Variants in GAB2 observed in about 807,000 individuals in gnomAD.
The protein encoded by GAB2 is GRB2 associated binding protein 2.
A neutral mutation model predicts 65.5 loss-of-function variants in GAB2; 26 were observed. The ratio of observed to expected loss-of-function variants is 0.40; its 90% CI spans 0.29 to 0.55. GAB2 has a LOEUF of 0.55. Among genes scored for constraint, GAB2 ranks in the 20% least tolerant of loss-of-function variants. The pLI is 0.53. For missense variants in GAB2, 884 were observed against 875.8 expected (o/e 1.01, Z -0.12); for synonymous variants, 321 against 329.6 (o/e 0.97, Z 0.28).
chr11:78,391,712 G>A (rs1206256507), intron 1 of GAB2, among the ~76,000 whole-genome samples: 1 of 152,222 alleles, frequency 6.6e-6, no homozygotes, highest in Non-Finnish European at 1.5e-5. Flanking sequence ...TAGCAGTCAA[G>A]TCACTCTGAG....
chr11:78,371,220 A>G (rs1856567903), intron 1 of GAB2, among the ~76,000 whole-genome samples: 1 of 152,230 alleles, frequency 6.6e-6, no homozygotes, highest in Non-Finnish European at 1.5e-5. Context: ...TTTAACTATC[A>G]TGTATTTAAA....
chr11:78,272,408 T>G (rs1866039790), intron 2 of GAB2, among the ~76,000 whole-genome samples: 1 of 152,168 alleles, frequency 6.6e-6, no homozygotes, highest in African/African-American at 2.4e-5. Flanking sequence ...GAGGAACTTG[T>G]TGGAAACTGG....
At chr11:78,330,002 C>T (rs1046907233) in intron 1 of GAB2, among the ~76,000 whole-genome samples, 3 of 152,166 alleles carry the variant, frequency 2.0e-5, no homozygotes, top group Non-Finnish European at 2.9e-5. Flanking sequence ...GGCTATTTCT[C>T]GTTTCTACTG....
rs967302107 is a variant in GAB2 at position 78,226,805 on chromosome 11, A to G, written c.867T>C (p.Asn289=). The G allele has an allele frequency of 3.1e-6, 5 of 1,613,900 alleles. No individual in the cohort carries two copies. The African/African-American group carries it at 5.3e-5, about 17-fold the overall frequency. ...GCGTCTTGAAGGTGTACACATCCTC[A>G]TTATCTGTCTCGGAGCCTGTGAGGC... ...KGSLTGSETD[N]EDVYTFKTPS... is the part of the protein sequence containing the mutation. The change falls in exon 4 of 10, where the codon AAT becomes AAC. Residue 289 remains asparagine, a synonymous_variant. Coordinates refer to ENST00000361507, the MANE Select transcript of GAB2 (RefSeq NM_080491.3).
intron 1 of GAB2, among the ~76,000 whole-genome samples, chr11:78,339,565 G>A (rs1333698470): frequency 6.6e-6 from 1 of 152,244 alleles, no homozygotes; most frequent in Admixed American, 6.5e-5. Context: ...GATGGTGGCA[G>A]TGATCAACTG....
rs117293058 is a variant in GAB2 at position 78,327,173 on chromosome 11, A to G, written c.76-46272T>C. Among the ~76,000 whole-genome samples the G allele has an allele frequency of 5.2e-4, 79 of 152,314 alleles. 2 individuals are homozygous for G. The East Asian group carries it at 0.013, about 25-fold the overall frequency. ...AACTCAATAAATCGGTATCTGGGTC[A>G]ATTTTAATCCTCATGTCATATTATC... On this transcript the variant is annotated intron_variant, in intron 1 of 9. Transcript: ENST00000361507.
At chr11:78,253,276 G>A (rs760492199) in intron 2 of GAB2, among the ~76,000 whole-genome samples, 3 of 152,046 alleles carry the variant, frequency 2.0e-5, no homozygotes, top group Non-Finnish European at 1.5e-5. Context: ...TTACAGGCGT[G>A]AGCCACCATG....
At chr11:78,346,574 T>TGAGAAGAGAAGAGAA (rs199705805) in intron 1 of GAB2, among the ~76,000 whole-genome samples, 1 of 118,654 alleles carries the variant, frequency 8.4e-6, no homozygotes, top group Admixed American at 8.5e-5. Context: ...TCATGCTGCC[T>TGAGAAGAGAAGAGAA]GAGAAGAGAA....
intron 2 of GAB2, among the ~76,000 whole-genome samples, chr11:78,276,075 C>T (rs1866159971): frequency 6.9e-6 from 1 of 145,156 alleles, no homozygotes; most frequent in African/African-American, 2.5e-5. Context: ...GATTGTGCCA[C>T]TGCATTCCAG....
intron 1 of GAB2, among the ~76,000 whole-genome samples, chr11:78,416,958 G>T (rs1857205066): frequency 6.6e-6 from 1 of 152,146 alleles, no homozygotes; most frequent in African/African-American, 2.4e-5. Context: ...CAGACACCCG[G>T]GAGCTGCCCG....
intron 1 of GAB2, among the ~76,000 whole-genome samples, chr11:78,372,896 A>C (rs1031817669): frequency 3.3e-5 from 5 of 152,148 alleles, no homozygotes; most frequent in Admixed American, 3.3e-4. Context: ...TTCTTTATTA[A>C]GAAGATTCAG....
chr11:78,396,722 C>A (rs772294684), intron 1 of GAB2, among the ~76,000 whole-genome samples: 6 of 152,132 alleles, frequency 3.9e-5, no homozygotes, highest in Non-Finnish European at 8.8e-5. Flanking sequence ...CTCAGCCACC[C>A]GAGCAGCTGA....
chr11:78,269,369 A>G (rs1017260679), intron 2 of GAB2, among the ~76,000 whole-genome samples: 1 of 152,224 alleles, frequency 6.6e-6, no homozygotes, highest in East Asian at 1.9e-4. Context: ...GGATGAGAAG[A>G]CAGAAAGAGT....
intron 1 of GAB2, among the ~76,000 whole-genome samples, chr11:78,375,317 T>C (rs1193472217): frequency 6.6e-6 from 1 of 152,312 alleles, no homozygotes; most frequent in Non-Finnish European, 1.5e-5. Flanking sequence ...CATTTTGAAA[T>C]GGGGTTTTTT....
chr11:78,377,669 G>A (rs894925767), intron 1 of GAB2, among the ~76,000 whole-genome samples: 1 of 152,150 alleles, frequency 6.6e-6, no homozygotes. Context: ...TTCTTAACTT[G>A]AGCTTGTTTC....
intron 1 of GAB2, among the ~76,000 whole-genome samples, chr11:78,330,172 T>C (rs1855891563): frequency 6.6e-6 from 1 of 152,176 alleles, no homozygotes; most frequent in Non-Finnish European, 1.5e-5. Context: ...GGATCACCAG[T>C]GGTGTCCTAG....
Position 78,335,778 on chromosome 11 carries a change from C to A in GAB2, c.76-54877G>T, listed in dbSNP as rs532663005. On this transcript the variant is annotated intron_variant, in intron 1 of 9. Transcript: ENST00000361507. ...ATTGTTCTATTTCTGTGAAGAATGT[C>A]ATTGGTATTTTGACAGGGAATGCAT... Among the ~76,000 whole-genome samples, 3 of 152,166 alleles carry A rather than the reference C, an allele frequency of 2.0e-5. No individual in the cohort carries two copies. In the South Asian group the frequency reaches 6.2e-4, roughly 32 times the overall value.
Position 78,225,155 on chromosome 11 carries a change from C to T in GAB2, c.1255G>A (p.Ala419Thr), listed in dbSNP as rs1864590340. 6.2e-7 allele frequency: 1 copy of T among 1,613,766 alleles called. No homozygotes were observed. The highest frequency in any genetic ancestry group is 8.5e-7 in the Non-Finnish European group (1 of 1,179,634). ...YEYPQRGGES[A>T]GRSAESMSDG... ...CTCATGGATTCAGCAGACCGGCCTG[C>T]ACTCTCTCCACCACGCTGTGGGTAC... is the stretch of plus-strand genomic sequence containing the variant. Residue 419 changes from alanine (A) to threonine (T), a missense_variant, in exon 5 of 10, where the codon GCA becomes ACA. Transcript: ENST00000361507.
chr11:78,225,240 G>T, intron 4 of GAB2, 38 bp from the exon 5 acceptor site: 2 of 1,367,554 alleles, frequency 1.5e-6, no homozygotes, highest in South Asian at 1.2e-5. Flanking sequence ...ACTCATGGTT[G>T]ATTCATGTGT....
Sources: allele counts gnomAD v4.1 joint callset (sites outside exome capture counted in the v4.1 genomes callset), GRCh38; gene constraint gnomAD v4.1.1; transcripts MANE v1.5; gene names NCBI Gene and HGNC (gene_info 2026-07-23, HGNC 2026-07-21).